Variants in GYS2 observed in about 807,000 individuals in gnomAD.
GYS2 encodes glycogen synthase 2.
A neutral mutation model predicts 85.6 loss-of-function variants in GYS2; 80 were observed. The observed-to-expected ratio is 0.93, with a 90% CI of 0.78 to 1.13. The LOEUF is 1.13. GYS2 is among the 50% of genes most tolerant of loss of function. The pLI is 0.00. For synonymous variants in GYS2, 328 were observed against 300.7 expected (o/e 1.09, Z -0.94); for missense variants, 881 against 854.9 (o/e 1.03, Z -0.38).
intron 15 of GYS2, among the ~76,000 whole-genome samples, chr12:21,539,014 C>T (rs1005597175): frequency 6.9e-6 from 1 of 145,972 alleles, no homozygotes; most frequent in African/African-American, 2.4e-5. Context: ...TCCATCAGAA[C>T]CATTTCAAGC....
intron 4 of GYS2, among the ~76,000 whole-genome samples, chr12:21,571,009 AATT>A (rs1366014468): frequency 6.6e-6 from 1 of 152,226 alleles, no homozygotes; most frequent in East Asian, 1.9e-4. Flanking sequence ...TGTTATTATT[AATT>A]ATTATTATTG....
chr12:21,596,476 T>C (rs1944698210), intron 1 of GYS2, among the ~76,000 whole-genome samples: 1 of 152,060 alleles, frequency 6.6e-6, no homozygotes, highest in Non-Finnish European at 1.5e-5. Context: ...ATACACCACA[T>C]AAACAGATTT....
At chr12:21,546,513 C>G (rs752557211) in intron 11 of GYS2, 43 bp from the exon 12 acceptor site, 18 of 1,398,126 alleles carry the variant, frequency 1.3e-5, no homozygotes, top group Middle Eastern at 2.0e-4. Flanking sequence ...GAAAAAGGAG[C>G]AAGTAAAGTG....
In GYS2 at chr12:21,540,403, T is replaced by A. The variant is rs1185865923; in HGVS notation, c.1809+7A>T. ...GTGGTCTGCTGTGTTTATCTAAACTTGCTTACTCTGCCTAAGTATCTCCAA... is the reference window on the plus strand; with the variant it reads ...GTGGTCTGCTGTGTTTATCTAAACTAGCTTACTCTGCCTAAGTATCTCCAA... On this transcript the variant is annotated splice_region_variant and intron_variant, in intron 14 of 15. Transcript: ENST00000261195. The A allele has an allele frequency of 6.2e-7, 1 of 1,613,020 alleles. No homozygotes were observed. Among genetic ancestry groups the A allele is most frequent in the African/African-American group, 1.3e-5 (1 of 75,044 alleles).
At chr12:21,590,396 C>A (rs750526982) in intron 1 of GYS2, among the ~76,000 whole-genome samples, 3 of 152,196 alleles carry the variant, frequency 2.0e-5, no homozygotes, top group Non-Finnish European at 2.9e-5. Flanking sequence ...ACCTAAGCAA[C>A]CCTCCCAGAA....
intron 1 of GYS2, among the ~76,000 whole-genome samples, chr12:21,603,117 A>G (rs866052999): frequency 3.9e-5 from 6 of 152,284 alleles, no homozygotes; most frequent in Middle Eastern, 3.4e-3. Context: ...TAGAAAAAGG[A>G]CATTAAAAAC....
At chr12:21,586,658 T>C (rs1310711097) in intron 1 of GYS2, among the ~76,000 whole-genome samples, 1 of 152,162 alleles carries the variant, frequency 6.6e-6, no homozygotes, top group Non-Finnish European at 1.5e-5. Context: ...GCTATCATTA[T>C]AAAGTTCAAA....
chr12:21,550,795 G>C (rs570047654), intron 11 of GYS2, among the ~76,000 whole-genome samples: 1 of 152,096 alleles, frequency 6.6e-6, no homozygotes, highest in East Asian at 1.9e-4. Context: ...ACAAAAATCA[G>C]CTGGGTGTGG....
At chr12:21,573,170 C>G (rs1184303037) in intron 4 of GYS2, among the ~76,000 whole-genome samples, 2 of 152,184 alleles carry the variant, frequency 1.3e-5, no homozygotes, top group African/African-American at 2.4e-5. Context: ...TTCTTGCGCT[C>G]TAAGTGTCTT....
At chr12:21,603,355 G>C (rs911151313) in intron 1 of GYS2, among the ~76,000 whole-genome samples, 1 of 152,016 alleles carries the variant, frequency 6.6e-6, no homozygotes, top group Non-Finnish European at 1.5e-5. Flanking sequence ...TTGATTTTAT[G>C]AATGCATACA....
At chr12:21,597,565 T>A (rs537227343) in intron 1 of GYS2, among the ~76,000 whole-genome samples, 1 of 152,056 alleles carries the variant, frequency 6.6e-6, no homozygotes, top group Non-Finnish European at 1.5e-5. Flanking sequence ...CTGGCAAGGA[T>A]GTGAAGGAAA....
intron 11 of GYS2, among the ~76,000 whole-genome samples, chr12:21,554,604 G>A (rs547196736): frequency 6.6e-6 from 1 of 152,236 alleles, no homozygotes; most frequent in South Asian, 2.1e-4. Flanking sequence ...TATAACTATA[G>A]CAGATATAAA....
Position 21,536,925 on chromosome 12 carries a change from A to G in GYS2, c.*29T>C. On this transcript the variant is annotated 3_prime_UTR_variant, in exon 16 of 16. Coordinates refer to ENST00000261195, the MANE Select transcript of GYS2 (RefSeq NM_021957.4). ...AATTAGTCTTACTTTGCTTTTTTAA[A>G]TTAGCTCTTCATGCAGCACATGTAG... The G allele has an allele frequency of 2.7e-6, 4 of 1,485,830 alleles. No homozygotes were observed. The highest frequency in any genetic ancestry group is 2.3e-5 in the South Asian group (2 of 88,516). 92.0% of individuals were successfully genotyped at this position (1,485,830 alleles called of 1,614,324 possible).
chr12:21,536,565 G>T lies in GYS2; in HGVS notation c.*389C>A. Reference sequence around the variant, plus strand: ...CATGGGTAAGATCAAGGTTTTCGGGGGGGAAATGGGAAATTTGTGTGGTGG... The same window carrying T: ...CATGGGTAAGATCAAGGTTTTCGGGTGGGAAATGGGAAATTTGTGTGGTGG... On this transcript the variant is annotated 3_prime_UTR_variant, in exon 16 of 16. Transcript: ENST00000261195. 1 of 232,328 alleles carries T rather than the reference G, an allele frequency of 4.3e-6. No individual in the cohort carries two copies. Among genetic ancestry groups the T allele is most frequent in the Non-Finnish European group, 8.5e-6 (1 of 118,338 alleles). The allele number at this position is 232,328 out of a possible 1,614,324, so 14.4% of individuals were successfully genotyped here. A position where few individuals can be genotyped will look rare whatever the true frequency, so the allele number is the denominator to read the frequency against.
chr12:21,595,268 G>C (rs1422942514), intron 1 of GYS2, among the ~76,000 whole-genome samples: 1 of 152,168 alleles, frequency 6.6e-6, no homozygotes, highest in South Asian at 2.1e-4. Flanking sequence ...GCAATCCTGA[G>C]AGGACCCACA....
intron 14 of GYS2, among the ~76,000 whole-genome samples, chr12:21,540,062 T>G (rs1943954325): frequency 6.6e-6 from 1 of 152,224 alleles, no homozygotes; most frequent in African/African-American, 2.4e-5. Context: ...ACTACACTAT[T>G]TCTCTAGAGA....
At chr12:21,537,436 CT>C in intron 15 of GYS2, 1 of 486,036 alleles carries the variant, frequency 2.1e-6, no homozygotes, top group Non-Finnish European at 3.7e-6. Flanking sequence ...TAACAACACT[CT>C]GATAAATATG....
At chr12:21,591,632 T>C (rs1164059921) in intron 1 of GYS2, among the ~76,000 whole-genome samples, 1 of 152,098 alleles carries the variant, frequency 6.6e-6, no homozygotes, top group Non-Finnish European at 1.5e-5. Context: ...TCCAGACAAA[T>C]GAAAATCAGA....
At chr12:21,565,710 A>T (rs1377211043) in intron 5 of GYS2, among the ~76,000 whole-genome samples, 1 of 151,732 alleles carries the variant, frequency 6.6e-6, no homozygotes, top group African/African-American at 2.4e-5. Context: ...AAATCAAAAT[A>T]TTGACCTTGA....
Sources: allele counts gnomAD v4.1 joint callset (sites outside exome capture counted in the v4.1 genomes callset), GRCh38; gene constraint gnomAD v4.1.1; transcripts MANE v1.5; gene names NCBI Gene and HGNC (gene_info 2026-07-23, HGNC 2026-07-21).